The following THSD7B variants were observed in gnomAD, a reference collection of about 807,000 sequenced individuals.
The protein encoded by THSD7B is thrombospondin type-1 domain-containing protein 7B.
Under a neutral mutation model 213.6 loss-of-function variants are expected in THSD7B, and 138 were observed. The ratio of observed to expected loss-of-function variants is 0.65; its 90% CI spans 0.56 to 0.74. The LOEUF is 0.74. Among genes scored for constraint, THSD7B ranks in the 30% least tolerant of loss-of-function variants. The pLI is 0.00. For synonymous variants in THSD7B, 742 were observed against 687.0 expected (o/e 1.08, Z -1.25); for missense variants, 1,931 against 1,991.5 (o/e 0.97, Z 0.58).
At position 136,883,972 on chromosome 2, in the gene THSD7B, T is replaced by C. The variant is rs891449301; in HGVS notation, c.139+1655T>C. Among the ~76,000 whole-genome samples, 4 of 152,226 alleles carry C rather than the reference T, an allele frequency of 2.6e-5. No homozygotes were observed. The East Asian group carries it at 7.7e-4, about 29-fold the overall frequency. On this transcript the variant is annotated intron_variant, in intron 2 of 27. Transcript: ENST00000409968. Reference sequence around the variant, plus strand: ...TTTTGCTTTCAAAGCAGATTACTTATGTATGACTGACATTTTAAAAGTGAA... The same window carrying C: ...TTTTGCTTTCAAAGCAGATTACTTACGTATGACTGACATTTTAAAAGTGAA...
intron 1 of THSD7B, among the ~76,000 whole-genome samples, chr2:136,825,718 A>ATTTTTTTTTGTTTTTGTTTTTTT (rs1682635072): frequency 8.6e-6 from 1 of 116,896 alleles, no homozygotes; most frequent in Non-Finnish European, 1.7e-5. Context: ...TGCCTGGCTA[A>ATTTTTTTTTGTTTTTGTTTTTTT]TTTTTTTTTT....
At chr2:137,428,351 G>A (rs1029388667) in intron 14 of THSD7B, among the ~76,000 whole-genome samples, 6 of 152,132 alleles carry the variant, frequency 3.9e-5, no homozygotes, top group African/African-American at 1.4e-4. Flanking sequence ...CATTGCTCGT[G>A]AGAATACAAA....
At chr2:136,978,475 G>T (rs111687268) in intron 2 of THSD7B, among the ~76,000 whole-genome samples, 1 of 152,174 alleles carries the variant, frequency 6.6e-6, no homozygotes, top group Non-Finnish European at 1.5e-5. Context: ...AGGTGCTCCT[G>T]TATTGAGTGC....
chr2:136,938,401 G>C (rs7600175), intron 2 of THSD7B, among the ~76,000 whole-genome samples: 30,143 of 151,316 alleles, frequency 0.2, 3,264 homozygotes, highest in African/African-American at 0.29. Flanking sequence ...CAGTGGGGAA[G>C]AGTGATCAAG....
chr2:137,503,885 C>T (rs983897433), intron 15 of THSD7B, among the ~76,000 whole-genome samples: 4 of 151,840 alleles, frequency 2.6e-5, no homozygotes, highest in South Asian at 2.1e-4. Context: ...ATTAGCTGGG[C>T]GTGGTGGAAT....
chr2:137,458,548 C>T (rs1391362240), intron 15 of THSD7B, among the ~76,000 whole-genome samples: 1 of 152,112 alleles, frequency 6.6e-6, no homozygotes, highest in Admixed American at 6.6e-5. Context: ...AATCTGGACG[C>T]AATAGTTTTG....
chr2:136,917,174 A>T (rs182967533), intron 2 of THSD7B, among the ~76,000 whole-genome samples: 156 of 152,286 alleles, frequency 1.0e-3, no homozygotes, highest in African/African-American at 3.8e-3. Flanking sequence ...TTTCAGTTTA[A>T]GTTATCCTCC....
intron 12 of THSD7B, among the ~76,000 whole-genome samples, chr2:137,347,668 G>A (rs1368999081): frequency 2.0e-5 from 3 of 150,802 alleles, no homozygotes; most frequent in African/African-American, 7.3e-5. Flanking sequence ...GTGTGAATTT[G>A]GGCGGATCTC....
intron 3 of THSD7B, among the ~76,000 whole-genome samples, chr2:137,068,628 C>G (rs932097337): frequency 1.3e-5 from 2 of 152,026 alleles, no homozygotes; most frequent in South Asian, 4.1e-4. Context: ...TTCAGAAAAT[C>G]ATTAATACCT....
intron 1 of THSD7B, among the ~76,000 whole-genome samples, chr2:136,801,152 A>G (rs1682171601): frequency 6.6e-6 from 1 of 152,088 alleles, no homozygotes; most frequent in Non-Finnish European, 1.5e-5. Context: ...TACTCCGACA[A>G]ATGATGTAAC....
chr2:137,550,633 G>A (rs115649159), intron 15 of THSD7B, among the ~76,000 whole-genome samples: 3,542 of 152,208 alleles, frequency 0.023, 159 homozygotes, highest in African/African-American at 0.082. Flanking sequence ...CATCCTTGAA[G>A]GGAGTCAGGA....
Position 137,673,958 on chromosome 2 carries a change from A to G in THSD7B, c.4740-2566A>G, listed in dbSNP as rs1382684206. On this transcript the variant is annotated intron_variant, in intron 27 of 27. Transcript: ENST00000409968. ...CACACCACATGGCCCACAAAGGTCC[A>G]AGGCCTACCTATTAGTAGCCCCCGC... Among the ~76,000 whole-genome samples, 9 of 152,342 alleles carry G rather than the reference A, an allele frequency of 5.9e-5. No homozygotes were observed. In the East Asian group the frequency reaches 1.7e-3, roughly 29 times the overall value.
At position 137,563,289 on chromosome 2, in the gene THSD7B, A is replaced by AT; in HGVS notation, c.3208dup (p.Cys1070LeufsTer6). On this transcript the variant is annotated frameshift_variant, in exon 16 of 28. Coordinates refer to ENST00000409968, the MANE Select transcript of THSD7B (RefSeq NM_001316349.2). LOFTEE classifies it high-confidence loss of function. Reference sequence around the variant, plus strand: ...CCTGGGTTGTAGAACACTGGTCTTCATGCAAAATCAACAATGAGCTGAGGT... The same window carrying AT: ...CCTGGGTTGTAGAACACTGGTCTTCATTGCAAAATCAACAATGAGCTGAGGT... 6.2e-7 allele frequency: 1 copy of AT among 1,613,480 alleles called. No individual in the cohort carries two copies. Among genetic ancestry groups the AT allele is most frequent in the Non-Finnish European group, 8.5e-7 (1 of 1,179,626 alleles).
chr2:137,145,029 G>A (rs1048382640), intron 5 of THSD7B, among the ~76,000 whole-genome samples: 1 of 152,020 alleles, frequency 6.6e-6, no homozygotes, highest in African/African-American at 2.4e-5. Context: ...GATTCAAGGA[G>A]AGAGCACAGC....
chr2:137,464,489 C>T (rs573310788), intron 15 of THSD7B, among the ~76,000 whole-genome samples: 4 of 152,004 alleles, frequency 2.6e-5, no homozygotes, highest in South Asian at 2.1e-4. Context: ...GGAGGCTGTG[C>T]GAAACACTTG....
intron 2 of THSD7B, among the ~76,000 whole-genome samples, chr2:137,043,251 A>G (rs1686913799): frequency 6.6e-6 from 1 of 152,140 alleles, no homozygotes; most frequent in East Asian, 1.9e-4. Flanking sequence ...GTCCCCAATT[A>G]TTTCCTCTGA....
intron 5 of THSD7B, among the ~76,000 whole-genome samples, chr2:137,119,731 A>G (rs10221823): frequency 0.02 from 2,997 of 152,300 alleles, 106 homozygotes; most frequent in African/African-American, 0.067. Flanking sequence ...ATTTTTAAAC[A>G]GAAAGGAAAT....
intron 2 of THSD7B, among the ~76,000 whole-genome samples, chr2:136,911,215 G>A (rs547461667): frequency 2.0e-5 from 3 of 152,104 alleles, no homozygotes; most frequent in Non-Finnish European, 4.4e-5. Context: ...TTTGCTCTTA[G>A]AAATCTTTAA....
chr2:137,219,048 G>A (rs2105042465), intron 7 of THSD7B, among the ~76,000 whole-genome samples: 1 of 151,974 alleles, frequency 6.6e-6, no homozygotes, highest in East Asian at 1.9e-4. Context: ...GCAAGATTTT[G>A]ATGAGAAAAA....
Sources: gnomAD v4.1 joint callset for allele counts (sites outside exome capture counted in the v4.1 genomes callset) on GRCh38, gnomAD v4.1.1 for gene constraint, MANE v1.5 for transcripts, NCBI Gene and HGNC (gene_info 2026-07-23, HGNC 2026-07-21) for gene names.